The following TMTC1 variants were observed in gnomAD, a reference collection of about 807,000 sequenced individuals.
TMTC1 encodes protein O-mannosyl-transferase TMTC1.
TMTC1 carries 73 observed loss-of-function variants against 104.8 expected under a neutral mutation model. The observed-to-expected ratio is 0.70, with a 90% CI of 0.58 to 0.85. The LOEUF (loss-of-function observed/expected upper bound fraction) is 0.85. TMTC1 is among the 40% of genes least tolerant of loss of function. The pLI is 0.00. For missense variants in TMTC1, 1,035 were observed against 1,096.1 expected, an observed-to-expected ratio of 0.94 and a Z score of 0.79; for synonymous variants, 434 against 428.7, an observed-to-expected ratio of 1.01 and a Z score of -0.15.
chr12:29,545,631 A>ACTCT lies in TMTC1; in HGVS notation c.1677-9315_1677-9314insAGAG, dbSNP rs528035983. ...CTGGGCAACAGAGCAAGACTCTGTC[A>ACTCT]CACACACACACACACACACACACAC... is the stretch of plus-strand genomic sequence containing the variant. On this transcript the variant is annotated intron_variant, in intron 10 of 17. Coordinates refer to ENST00000539277, the MANE Select transcript of TMTC1 (RefSeq NM_001193451.2). 4.6e-5 allele frequency among the ~76,000 whole-genome samples: 3 copies of ACTCT among 65,236 alleles called. No individual in the cohort carries two copies. The East Asian group carries it at 9.4e-4, about 21-fold the overall frequency. 42.8% of individuals were successfully genotyped at this position (65,236 alleles called of 152,430 possible). A position where few individuals can be genotyped will look rare whatever the true frequency, so the allele number is the denominator to read the frequency against.
At chr12:29,650,175 C>T (rs369623744) in intron 5 of TMTC1, among the ~76,000 whole-genome samples, 1 of 151,858 alleles carries the variant, frequency 6.6e-6, no homozygotes, top group East Asian at 1.9e-4. Context: ...CCTCTGCCTC[C>T]CAAGGTTCAA....
intron 5 of TMTC1, among the ~76,000 whole-genome samples, chr12:29,668,948 G>T (rs1008684191): frequency 2.6e-5 from 4 of 152,204 alleles, no homozygotes; most frequent in Admixed American, 2.6e-4. Flanking sequence ...AAACACAAGT[G>T]CCATCCATGT....
intron 10 of TMTC1, among the ~76,000 whole-genome samples, chr12:29,545,387 C>T (rs932529278): frequency 6.6e-6 from 1 of 152,150 alleles, no homozygotes; most frequent in Admixed American, 6.6e-5. Flanking sequence ...CGCCTATAAT[C>T]CCAGCATTTT....
intron 5 of TMTC1, among the ~76,000 whole-genome samples, chr12:29,722,047 G>A (rs997765770): frequency 1.4e-4 from 21 of 151,952 alleles, no homozygotes; most frequent in African/African-American, 1.9e-4. Context: ...TCAATATCAC[G>A]TCATGTAGCT....
At chr12:29,708,777 C>T (rs916404263) in intron 5 of TMTC1, among the ~76,000 whole-genome samples, 1 of 152,112 alleles carries the variant, frequency 6.6e-6, no homozygotes, top group Non-Finnish European at 1.5e-5. Context: ...TTAGGCTAAC[C>T]TGTTTTTATA....
rs1016035786 is a variant in TMTC1 at position 29,520,712 on chromosome 12, A to G, written c.1794T>C (p.Phe598=). ...TTTGGTATATTTCTTCAGCTTCTTT[A>G]AACCGCTCCTTTAAAAAGAAAGAAA... is the stretch of plus-strand genomic sequence containing the variant. The part of the protein sequence containing the change: ...LASLLAEQER[F]KEAEEIYQTG... Residue 598 remains phenylalanine (F), a synonymous_variant, in exon 12 of 18, where the codon TTT becomes TTC. Coordinates refer to ENST00000539277, the MANE Select transcript of TMTC1 (RefSeq NM_001193451.2). The G allele has an allele frequency of 3.1e-6, 5 of 1,609,662 alleles. No homozygotes were observed. The highest frequency in any genetic ancestry group is 4.2e-6 in the Non-Finnish European group (5 of 1,178,898).
chr12:29,705,909 T>C (rs751624798), intron 5 of TMTC1, among the ~76,000 whole-genome samples: 2 of 152,034 alleles, frequency 1.3e-5, no homozygotes, highest in Non-Finnish European at 2.9e-5. Flanking sequence ...TTACATTATG[T>C]CTAATTCCCA....
At position 29,684,133 on chromosome 12, in the gene TMTC1, T is replaced by C. The variant is rs182361759; in HGVS notation, c.939-50797A>G. ...TGCTGCGATTACAGGCATGAGCCCCTGCGTCCAACCCTTCCTATCACTTCG... is the reference window on the plus strand; with the variant it reads ...TGCTGCGATTACAGGCATGAGCCCCCGCGTCCAACCCTTCCTATCACTTCG... On this transcript the variant is annotated intron_variant, in intron 5 of 17. Coordinates refer to ENST00000539277, the MANE Select transcript of TMTC1 (RefSeq NM_001193451.2). Among the ~76,000 whole-genome samples the C allele has an allele frequency of 1.8e-4, 28 of 152,340 alleles. No individual in the cohort carries two copies. The East Asian group carries it at 4.8e-3, about 26-fold the overall frequency.
At chr12:29,782,220 T>C (rs1025602101) in intron 1 of TMTC1, among the ~76,000 whole-genome samples, 92 of 152,162 alleles carry the variant, frequency 6.0e-4, no homozygotes, top group African/African-American at 2.2e-3. Flanking sequence ...CAAATGTCTA[T>C]AACACATTCT....
intron 4 of TMTC1, among the ~76,000 whole-genome samples, chr12:29,754,505 A>G (rs1943169473): frequency 6.6e-6 from 1 of 152,184 alleles, no homozygotes; most frequent in Non-Finnish European, 1.5e-5. Flanking sequence ...GCAGAAAGAC[A>G]TTAGGAGGTT....
chr12:29,780,656 A>G (rs1257704825), intron 1 of TMTC1, among the ~76,000 whole-genome samples: 1 of 130,424 alleles, frequency 7.7e-6, no homozygotes, highest in East Asian at 2.2e-4. Flanking sequence ...ACTTAGTAAA[A>G]TAAAAAAAAT....
chr12:29,777,942 T>A (rs1468960476), intron 1 of TMTC1, among the ~76,000 whole-genome samples: 1 of 152,220 alleles, frequency 6.6e-6, no homozygotes, highest in Non-Finnish European at 1.5e-5. Context: ...TATCACCGTT[T>A]CTTTAAGGTT....
At chr12:29,635,744 G>A (rs954542885) in intron 5 of TMTC1, among the ~76,000 whole-genome samples, 1 of 152,276 alleles carries the variant, frequency 6.6e-6, no homozygotes, top group Non-Finnish European at 1.5e-5. Context: ...GCAAACACAG[G>A]AAACAACAGA....
intron 5 of TMTC1, among the ~76,000 whole-genome samples, chr12:29,738,472 CTGCACTTGCTACATCACTTAGGAAAA>C (rs1942740921): frequency 6.6e-6 from 1 of 152,196 alleles, no homozygotes; most frequent in Non-Finnish European, 1.5e-5. Context: ...TCACATTGAG[CTGCACTTGCTACATCACTTAGGAAAA>C]TGCAGTCAAT....
At chr12:29,508,383 A>G (rs1274935099) in intron 17 of TMTC1, among the ~76,000 whole-genome samples, 2 of 152,196 alleles carry the variant, frequency 1.3e-5, no homozygotes, top group South Asian at 2.1e-4. Context: ...GCAGACAACT[A>G]TACATTTCTG....
chr12:29,712,473 G>A (rs906980061), intron 5 of TMTC1, among the ~76,000 whole-genome samples: 6 of 151,966 alleles, frequency 3.9e-5, no homozygotes, highest in Non-Finnish European at 8.8e-5. Flanking sequence ...TAAGAGAAAA[G>A]TTTTTAAAAA....
intron 7 of TMTC1, among the ~76,000 whole-genome samples, chr12:29,584,522 A>G (rs1345636264): frequency 6.6e-6 from 1 of 151,740 alleles, no homozygotes; most frequent in Non-Finnish European, 1.5e-5. Flanking sequence ...TACATGTGTC[A>G]CGTTGGTGTG....
At position 29,783,432 on chromosome 12, in the gene TMTC1, G is replaced by T; in HGVS notation, c.302+18C>A. ...GGTAGAGGAGGCAGCGGCGGCTAGC[G>T]CGAGGTGAGGGACTCACTTGAAGGT... On this transcript the variant is annotated intron_variant, in intron 1 of 17. Coordinates refer to ENST00000539277, the MANE Select transcript of TMTC1 (RefSeq NM_001193451.2). The surrounding 1 kb of genome is among the most constrained non-coding windows in gnomAD (Gnocchi z 4.7). 2 of 1,288,316 alleles carry T rather than the reference G, an allele frequency of 1.6e-6. No homozygotes were observed. The highest frequency in any genetic ancestry group is 3.1e-5 in the East Asian group (1 of 31,972). 79.8% of individuals were successfully genotyped at this position (1,288,316 alleles called of 1,614,324 possible).
intron 5 of TMTC1, among the ~76,000 whole-genome samples, chr12:29,721,187 A>ATG (rs917431951): frequency 6.6e-6 from 1 of 152,158 alleles, no homozygotes; most frequent in Admixed American, 6.6e-5. Context: ...ATGTGTATGC[A>ATG]TGTGTGTGTG....
Sources: allele counts gnomAD v4.1 joint callset (sites outside exome capture counted in the v4.1 genomes callset), GRCh38; gene constraint gnomAD v4.1.1; non-coding constraint Gnocchi (gnomAD v3.1); transcripts MANE v1.5; gene names NCBI Gene and HGNC (gene_info 2026-07-23, HGNC 2026-07-21).